DHX9: variants seen among roughly 807,000 people sequenced by gnomAD.
The protein encoded by DHX9 is DExH-box helicase 9, also known as ATP-dependent RNA helicase A.
DHX9 carries 27 observed loss-of-function variants against 148.7 expected under a neutral mutation model. The observed-to-expected ratio is 0.18, with a 90% confidence interval of 0.13 to 0.25. DHX9 has a LOEUF of 0.25. Among genes scored for constraint, DHX9 ranks in the 10% least tolerant of loss-of-function variants. The pLI, the probability that DHX9 is intolerant of heterozygous loss-of-function variation, is 1.00. For synonymous variants in DHX9, 529 were observed against 516.6 expected, an observed-to-expected ratio of 1.02 and a Z score of -0.33; for missense variants, 796 against 1,559.6, an observed-to-expected ratio of 0.51 and a Z score of 8.25.
intron 6 of DHX9, chr1:182,855,438 G>A (rs1017456476): frequency 4.3e-5 from 22 of 517,592 alleles, no homozygotes; most frequent in Non-Finnish European, 5.5e-5. Flanking sequence ...CTCTTTGTAT[G>A]TCCTTTTATT....
intron 8 of DHX9, 98 bp from the exon 9 acceptor site, chr1:182,858,453 G>T: frequency 8.5e-7 from 1 of 1,179,652 alleles, no homozygotes; most frequent in Non-Finnish European, 1.2e-6. Context: ...ACTGACTATT[G>T]GTTTAGGAAT....
At chr1:182,850,297 T>G (rs1668112954) in intron 3 of DHX9, among the ~76,000 whole-genome samples, 1 of 152,082 alleles carries the variant, frequency 6.6e-6, no homozygotes, top group Non-Finnish European at 1.5e-5. Flanking sequence ...AGCCAGACCC[T>G]GTCTCAAAAA....
chr1:182,881,437 AT>A lies in DHX9; in HGVS notation c.2786+15del, dbSNP rs1449467360. ...TGGGATGATGCTAGGTATGAGTAAG[AT>A]TTGGGTGAGCTGTCTGTAGTTTCTC... On this transcript the variant is annotated intron_variant, in intron 23 of 27. Transcript: ENST00000367549. The A allele has an allele frequency of 1.2e-6, 2 of 1,612,772 alleles. No individual in the cohort carries two copies. The highest frequency in any genetic ancestry group is 1.7e-6 in the Non-Finnish European group (2 of 1,179,438).
At chr1:182,859,732 C>T (rs1668323059) in intron 11 of DHX9, among the ~76,000 whole-genome samples, 1 of 152,088 alleles carries the variant, frequency 6.6e-6, no homozygotes, top group South Asian at 2.1e-4. Flanking sequence ...CCTGCCTCAG[C>T]GTCCCAAGTA....
chr1:182,878,318 A>C (rs1376396442), intron 20 of DHX9, 145 bp downstream of exon 20: 3 of 896,822 alleles, frequency 3.3e-6, no homozygotes, highest in Non-Finnish European at 5.0e-6. Context: ...TTTCGTAAGA[A>C]TCTTCATCAC....
intron 20 of DHX9, 146 bp from the exon 21 acceptor site, chr1:182,879,104 T>C: frequency 1.7e-6 from 1 of 586,026 alleles, no homozygotes; most frequent in Admixed American, 3.4e-5. Flanking sequence ...GTGTGTATAG[T>C]GAACGATAAA....
intron 12 of DHX9, 96 bp from the exon 13 acceptor site, chr1:182,866,348 A>G (rs1221815631): frequency 2.4e-6 from 3 of 1,228,678 alleles, no homozygotes; most frequent in East Asian, 4.9e-5. Flanking sequence ...TTCAACTAGC[A>G]GTAGGACAGA....
Position 182,843,449 on chromosome 1 carries a change from C to T in DHX9, c.252+15C>T, listed in dbSNP as rs6704129. 0.1 allele frequency: 158,268 copies of T among 1,566,432 alleles called. 10,507 individuals carry two copies. The highest frequency in any genetic ancestry group is 0.32 in the African/African-American group (22,971 of 71,916). On this transcript the variant is annotated intron_variant, in intron 3 of 27. Transcript: ENST00000367549. ...CAGCTTTTGGGGTAAGTACCTATGGCGAAGCACTTGAGATGTATGTTGTAA... is the reference window on the plus strand; with the variant it reads ...CAGCTTTTGGGGTAAGTACCTATGGTGAAGCACTTGAGATGTATGTTGTAA...
intron 14 of DHX9, among the ~76,000 whole-genome samples, chr1:182,870,806 AAAAAGGTG>A (rs762638098): frequency 2.0e-5 from 3 of 152,240 alleles, no homozygotes; most frequent in Non-Finnish European, 2.9e-5. Flanking sequence ...TAACACATTT[AAAAAGGTG>A]AAAAGGTGAA....
At chr1:182,867,835 A>C (rs545479118) in intron 14 of DHX9, among the ~76,000 whole-genome samples, 1 of 152,308 alleles carries the variant, frequency 6.6e-6, no homozygotes, top group African/African-American at 2.4e-5. Flanking sequence ...GGTCCTTGAC[A>C]AAAAAACTGT....
At chr1:182,854,698 A>T (rs1668223476) in intron 6 of DHX9, among the ~76,000 whole-genome samples, 1 of 152,226 alleles carries the variant, frequency 6.6e-6, no homozygotes, top group African/African-American at 2.4e-5. Context: ...CGTAAGGTCG[A>T]AAAGGAACAG....
intron 14 of DHX9, among the ~76,000 whole-genome samples, chr1:182,870,845 A>C (rs1226942336): frequency 6.6e-6 from 1 of 152,224 alleles, no homozygotes; most frequent in Non-Finnish European, 1.5e-5. Context: ...TTTAACCCAG[A>C]ATATCTAAAA....
Position 182,873,735 on chromosome 1 carries a change from A to G in DHX9, c.1715-1119A>G, listed in dbSNP as rs1330674472. Among the ~76,000 whole-genome samples the G allele has an allele frequency of 2.6e-5, 4 of 152,230 alleles. No individual in the cohort carries two copies. The East Asian group carries it at 7.7e-4, about 29-fold the overall frequency. On this transcript the variant is annotated intron_variant, in intron 15 of 27. Coordinates refer to ENST00000367549, the MANE Select transcript of DHX9 (RefSeq NM_001357.5). ...CTCTGTGCTGAGTGGGAGTAGAAGC[A>G]GTGACACCCAGTAGATAGGGATATG...
At chr1:182,869,877 G>C (rs1412574785) in intron 14 of DHX9, among the ~76,000 whole-genome samples, 1 of 152,204 alleles carries the variant, frequency 6.6e-6, no homozygotes, top group African/African-American at 2.4e-5. Context: ...GGGATTTACA[G>C]GCATGAGCCA....
chr1:182,850,039 C>A (rs973469447), intron 3 of DHX9, among the ~76,000 whole-genome samples: 3 of 144,280 alleles, frequency 2.1e-5, no homozygotes, highest in African/African-American at 7.8e-5. Flanking sequence ...ATAACATCCT[C>A]CAACCCATCA....
chr1:182,849,181 C>G (rs535084485), intron 3 of DHX9, among the ~76,000 whole-genome samples: 2 of 152,116 alleles, frequency 1.3e-5, no homozygotes, highest in Admixed American at 1.3e-4. Flanking sequence ...TTGCATTTGC[C>G]AAAAGTGAGC....
At chr1:182,849,316 A>G (rs575939512) in intron 3 of DHX9, among the ~76,000 whole-genome samples, 2 of 152,132 alleles carry the variant, frequency 1.3e-5, no homozygotes, top group South Asian at 2.1e-4. Flanking sequence ...CTCATTTCTA[A>G]CTACTCCCCT....
intron 1 of DHX9, 92 bp from the exon 2 acceptor site, chr1:182,842,453 A>G (rs965662416): frequency 1.8e-5 from 12 of 657,954 alleles, no homozygotes; most frequent in Admixed American, 3.1e-5. Context: ...AGAATATCCT[A>G]TGTTTAACCC....
At chr1:182,844,130 T>C (rs1196305556) in intron 3 of DHX9, among the ~76,000 whole-genome samples, 1 of 152,164 alleles carries the variant, frequency 6.6e-6, no homozygotes, top group Non-Finnish European at 1.5e-5. Flanking sequence ...ATGTTTTTAG[T>C]AGAGATAGGG....
Sources: gnomAD v4.1 joint callset for allele counts (sites outside exome capture counted in the v4.1 genomes callset) on GRCh38, gnomAD v4.1.1 for gene constraint, MANE v1.5 for transcripts, NCBI Gene and HGNC (gene_info 2026-07-23, HGNC 2026-07-21) for gene names.